The following ATAD2B variants were observed in gnomAD, a reference collection of about 807,000 sequenced individuals.
ATAD2B encodes ATPase family AAA domain containing 2B.
Under a neutral mutation model 167.6 loss-of-function variants are expected in ATAD2B, and 40 were observed. That is an observed-to-expected ratio of 0.24 (90% CI 0.19 to 0.31). The LOEUF is 0.31. Among genes scored for constraint, ATAD2B ranks in the 10% least tolerant of loss-of-function variants. ATAD2B has a pLI of 1.00. For missense variants in ATAD2B, 1,242 were observed against 1,757.2 expected (o/e 0.71, Z 5.24); for synonymous variants, 579 against 596.5 (o/e 0.97, Z 0.43).
downstream of ATAD2B, among the ~76,000 whole-genome samples, chr2:23,745,422 A>AAGGAAGAAAGGAAAGGGAAGGG (rs1491261605): frequency 1.6e-3 from 137 of 85,064 alleles, 2 homozygotes; most frequent in Non-Finnish European, 2.5e-3. Context: ...GGAAGGAAGG[A>AAGGAAGAAAGGAAAGGGAAGGG]AAGGGAAGGG....
chr2:23,849,676 A>G lies in ATAD2B; in HGVS notation c.1568+7739T>C, dbSNP rs773063513. On this transcript the variant is annotated intron_variant, in intron 13 of 27. Transcript: ENST00000238789. ...AAACCCCATCTCTACAAAAATACAA[A>G]AATTAGCTGGGCATGGTGGTGCATG... 2.0e-5 allele frequency among the ~76,000 whole-genome samples: 3 copies of G among 152,166 alleles called. No individual in the cohort carries two copies. The South Asian group carries it at 6.2e-4, about 32-fold the overall frequency.
chr2:23,798,085 A>G (rs748385286), intron 19 of ATAD2B, 53 bp downstream of exon 19: 31 of 1,183,882 alleles, frequency 2.6e-5, no homozygotes, highest in Non-Finnish European at 3.5e-5. Flanking sequence ...TTACAGAGTC[A>G]ACTATTTTAG....
At position 23,752,036 on chromosome 2, in the gene ATAD2B, C is replaced by G; in HGVS notation, c.*10G>C. 6.4e-7 allele frequency: 1 copy of G among 1,557,424 alleles called. No individual in the cohort carries two copies. The highest frequency in any genetic ancestry group is 8.7e-7 in the Non-Finnish European group (1 of 1,147,034). On this transcript the variant is annotated 3_prime_UTR_variant, in exon 28 of 28. Coordinates refer to ENST00000238789, the MANE Select transcript of ATAD2B (RefSeq NM_017552.4). ...AGATTGGAGAGGATAAACCACTCAT[C>G]TTGAAAAGTTCATAGGAATGTCTCA...
the ATAD2B span, among the ~76,000 whole-genome samples, chr2:23,734,262 T>C: frequency 2.0e-5 from 3 of 152,170 alleles, no homozygotes; most frequent in African/African-American, 7.2e-5. Context: ...GTTCAAGTGA[T>C]TCTCCTCCCT....
At chr2:23,834,990 AT>A (rs1226039021) in intron 13 of ATAD2B, among the ~76,000 whole-genome samples, 24 of 152,252 alleles carry the variant, frequency 1.6e-4, no homozygotes, top group African/African-American at 5.8e-4. Context: ...GCATAAGCAA[AT>A]TAAACCAAAT....
chr2:23,853,676 T>C (rs1281451657), intron 13 of ATAD2B, among the ~76,000 whole-genome samples: 1 of 152,182 alleles, frequency 6.6e-6, no homozygotes, highest in Non-Finnish European at 1.5e-5. Context: ...ATCCCAACAG[T>C]CTTTTCTAAA....
intron 2 of ATAD2B, 46 bp from the exon 3 acceptor site, chr2:23,888,445 T>G: frequency 8.3e-7 from 1 of 1,204,854 alleles, no homozygotes; most frequent in Non-Finnish European, 1.1e-6. Flanking sequence ...AACATTTGCT[T>G]ATATAAGCAA....
At chr2:23,921,191 G>GT (rs1201373007) in intron 1 of ATAD2B, among the ~76,000 whole-genome samples, 1 of 93,240 alleles carries the variant, frequency 1.1e-5, no homozygotes, top group Non-Finnish European at 1.9e-5. Context: ...GAGCTACAGA[G>GT]TAAGACTCCA....
chr2:23,727,656 G>A, the ATAD2B span, among the ~76,000 whole-genome samples: 1 of 152,160 alleles, frequency 6.6e-6, no homozygotes, highest in Non-Finnish European at 1.5e-5. Context: ...AAACTTGGAA[G>A]CAACCAAGAT....
At chr2:23,807,689 A>T (rs867136463) in intron 18 of ATAD2B, among the ~76,000 whole-genome samples, 7 of 151,284 alleles carry the variant, frequency 4.6e-5, no homozygotes, top group Middle Eastern at 3.4e-3. Context: ...GGTGGCACGC[A>T]CCTGTAGTCC....
intron 2 of ATAD2B, among the ~76,000 whole-genome samples, chr2:23,890,536 C>A (rs1010400386): frequency 1.3e-5 from 2 of 152,162 alleles, no homozygotes; most frequent in African/African-American, 4.8e-5. Context: ...CTCTCAAAAT[C>A]CACTTAAAAC....
the ATAD2B span, among the ~76,000 whole-genome samples, chr2:23,701,629 T>C: frequency 2.6e-5 from 4 of 151,690 alleles, no homozygotes; most frequent in Non-Finnish European, 5.9e-5. Context: ...GGGAGAATTG[T>C]TTAAGCCCAG....
chr2:23,688,674 AG>A, the ATAD2B span: 1 of 151,074 alleles, frequency 6.6e-6, no homozygotes, highest in East Asian at 2.0e-4. Flanking sequence ...GTGGCTGGGG[AG>A]CACCAGCCTG....
the ATAD2B span, among the ~76,000 whole-genome samples, chr2:23,712,395 C>A: frequency 6.6e-6 from 1 of 152,296 alleles, no homozygotes; most frequent in South Asian, 2.1e-4. Context: ...AAACAGAAAA[C>A]CTGGGACTGG....
intron 23 of ATAD2B, among the ~76,000 whole-genome samples, chr2:23,763,346 CA>C (rs1676991060): frequency 6.6e-6 from 1 of 152,204 alleles, no homozygotes; most frequent in Non-Finnish European, 1.5e-5. Context: ...TGTTCCCCAA[CA>C]GCTTTACTGA....
At chr2:23,842,074 G>A (rs569282786) in intron 13 of ATAD2B, among the ~76,000 whole-genome samples, 1 of 152,002 alleles carries the variant, frequency 6.6e-6, no homozygotes, top group African/African-American at 2.4e-5. Context: ...GACAATCTTT[G>A]TCTTTTAACA....
chr2:23,687,165 C>T, the ATAD2B span, among the ~76,000 whole-genome samples: 1 of 152,208 alleles, frequency 6.6e-6, no homozygotes, highest in Non-Finnish European at 1.5e-5. Context: ...GGCAGCTGCA[C>T]TCTTGTAAGG....
chr2:23,785,042 A>G (rs1680611958), intron 21 of ATAD2B, among the ~76,000 whole-genome samples: 3 of 152,060 alleles, frequency 2.0e-5, no homozygotes, highest in Non-Finnish European at 4.4e-5. Flanking sequence ...AGGTACAAAT[A>G]AAATTATAGA....
chr2:23,737,811 G>C, the ATAD2B span, among the ~76,000 whole-genome samples: 4 of 152,168 alleles, frequency 2.6e-5, no homozygotes, highest in Non-Finnish European at 5.9e-5. Context: ...AAAAAAATTA[G>C]ATGAATGGAT....
Sources: allele counts gnomAD v4.1 joint callset (sites outside exome capture counted in the v4.1 genomes callset), GRCh38; gene constraint gnomAD v4.1.1; transcripts MANE v1.5; gene names NCBI Gene and HGNC (gene_info 2026-07-23, HGNC 2026-07-21).